Variants in CATSPERE observed in about 807,000 individuals in gnomAD.
The protein encoded by CATSPERE is cation channel sperm-associated auxiliary subunit epsilon.
A neutral mutation model predicts 114.1 loss-of-function variants in CATSPERE; 93 were observed. The observed-to-expected ratio is 0.81, with a 90% confidence interval of 0.69 to 0.97. The LOEUF (loss-of-function observed/expected upper bound fraction) is 0.97, where lower values mean the gene tolerates loss of function less well. Ranked by LOEUF, CATSPERE falls within the 50% of genes least tolerant of loss-of-function variation. The pLI, the probability that CATSPERE is intolerant of heterozygous loss-of-function variation, is 0.00. For missense variants in CATSPERE, 1,058 were observed against 1,131.6 expected (o/e 0.93, Z 0.93); for synonymous variants, 341 against 384.1 (o/e 0.89, Z 1.31).
intron 14 of CATSPERE, 58 bp from the exon 15 acceptor site, chr1:244,591,623 G>C (rs542853096): frequency 9.6e-7 from 1 of 1,040,058 alleles, no homozygotes; most frequent in Non-Finnish European, 1.4e-6. Context: ...ATGATTAAAT[G>C]TTTTTGCAAA....
chr1:244,459,448 A>C (rs1572185386), upstream of CATSPERE, among the ~76,000 whole-genome samples: 2 of 152,356 alleles, frequency 1.3e-5, no homozygotes, highest in East Asian at 3.9e-4. Context: ...CAATGAAAAA[A>C]GCCTAAGTGA....
intron 7 of CATSPERE, among the ~76,000 whole-genome samples, chr1:244,518,375 G>A (rs551882455): frequency 2.0e-5 from 3 of 152,140 alleles, no homozygotes; most frequent in African/African-American, 7.2e-5. Flanking sequence ...AGTTTTTGAC[G>A]AGTTGGAAAC....
chr1:244,632,601 T>A (rs1230855958), intron 20 of CATSPERE, among the ~76,000 whole-genome samples: 8 of 150,790 alleles, frequency 5.3e-5, no homozygotes, highest in Non-Finnish European at 1.0e-4. Flanking sequence ...GCCAGAAAAA[T>A]GTGATAAATT....
chr1:244,633,370 T>G lies in CATSPERE; in HGVS notation c.2649-2119T>G, dbSNP rs1356360948. On this transcript the variant is annotated intron_variant, in intron 20 of 21. Transcript: ENST00000366534. The surrounding 1 kb of genome is among the most constrained non-coding windows in gnomAD (Gnocchi z 4.1). The stretch of plus-strand genomic sequence containing the variant: ...CAATTTCATTCTATCAAAGGTCAAC[T>G]TGGCCCTCTTTTCAGTCACAATTGC... Among the ~76,000 whole-genome samples, 2 of 152,220 alleles carry G rather than the reference T, an allele frequency of 1.3e-5. No homozygotes were observed. The highest frequency in any genetic ancestry group is 4.8e-5 in the African/African-American group (2 of 41,466).
At position 244,545,971 on chromosome 1, in the gene CATSPERE, T is replaced by C. The variant is rs566664472; in HGVS notation, c.537-6351T>C. Among the ~76,000 whole-genome samples the C allele has an allele frequency of 1.4e-4, 21 of 152,360 alleles. No individual in the cohort carries two copies. In the South Asian group the frequency reaches 4.1e-3, roughly 30 times the overall value. ...AGAAGATTTGGGCCTGGTTTACAGA[T>C]GGCTTTGCATGCTATGCAGCAGCAC... On this transcript the variant is annotated intron_variant, in intron 8 of 21. Coordinates refer to ENST00000366534, the MANE Select transcript of CATSPERE (RefSeq NM_001130957.2).
At chr1:244,625,426 A>ATTTTTT (rs1326525192) in intron 20 of CATSPERE, among the ~76,000 whole-genome samples, 2 of 3,940 alleles carry the variant, frequency 5.1e-4, no homozygotes, top group East Asian at 0.031. Flanking sequence ...ATATATATAT[A>ATTTTTT]TATATATTTT....
At chr1:244,522,813 T>C (rs1277867761) in intron 8 of CATSPERE, among the ~76,000 whole-genome samples, 13 of 152,010 alleles carry the variant, frequency 8.6e-5, no homozygotes, top group East Asian at 3.9e-4. Context: ...AATAGACCAA[T>C]AACAGGAGCT....
intron 2 of CATSPERE, among the ~76,000 whole-genome samples, chr1:244,469,153 A>G (rs1038382854): frequency 6.6e-6 from 1 of 152,196 alleles, no homozygotes; most frequent in Non-Finnish European, 1.5e-5. Context: ...GTTTATATGT[A>G]AGCTTGGTAA....
At chr1:244,451,838 A>T, upstream of CATSPERE, 4 of 1,551,382 alleles carry the variant, frequency 2.6e-6, no homozygotes, top group Non-Finnish European at 3.5e-6. This position sits in a 1 kb window ranked among gnomAD's most constrained non-coding sequence, Gnocchi z 6.6. Flanking sequence ...ACGCGAGGAG[A>T]GCCCGAAGGA....
At chr1:244,452,973 C>T (rs1665755585), upstream of CATSPERE, among the ~76,000 whole-genome samples, 1 of 152,180 alleles carries the variant, frequency 6.6e-6, no homozygotes, top group Admixed American at 6.5e-5. Context: ...TCTCCCAAAT[C>T]GCCTGTACAT....
In CATSPERE at chr1:244,466,391, G is replaced by A. The variant is rs1667610029; in HGVS notation, c.114+2435G>A. ...TGCTTCCCTGGTTCCCAAACACTAA[G>A]TAGCAGTGACAATCCTCAGGGATTG... On this transcript the variant is annotated intron_variant, in intron 2 of 21. Transcript: ENST00000366534. Among the ~76,000 whole-genome samples, 3 of 152,070 alleles carry A rather than the reference G, an allele frequency of 2.0e-5. No individual in the cohort carries two copies. In the South Asian group the frequency reaches 6.2e-4, roughly 32 times the overall value.
intron 7 of CATSPERE, among the ~76,000 whole-genome samples, chr1:244,516,954 A>G (rs963013309): frequency 6.6e-6 from 1 of 152,092 alleles, no homozygotes; most frequent in Admixed American, 6.5e-5. Flanking sequence ...ATATTTACCA[A>G]TAGTGAAAAA....
chr1:244,522,423 A>G (rs1188454036), intron 8 of CATSPERE, among the ~76,000 whole-genome samples: 1 of 152,204 alleles, frequency 6.6e-6, no homozygotes, highest in African/African-American at 2.4e-5. Flanking sequence ...CAATTAAAAG[A>G]ACTAGAAAAG....
chr1:244,509,067 T>G (rs1248785691), intron 7 of CATSPERE, among the ~76,000 whole-genome samples: 2 of 152,016 alleles, frequency 1.3e-5, no homozygotes, highest in Non-Finnish European at 2.9e-5. Flanking sequence ...TTTTTTTCTT[T>G]TGTCTATTGC....
chr1:244,603,153 C>T (rs2148671589), intron 17 of CATSPERE, among the ~76,000 whole-genome samples: 1 of 152,182 alleles, frequency 6.6e-6, no homozygotes, highest in South Asian at 2.1e-4. Context: ...ATAAAGAACC[C>T]CCTTTCATAG....
At chr1:244,505,253 A>G (rs557440506) in intron 7 of CATSPERE, among the ~76,000 whole-genome samples, 48 of 152,274 alleles carry the variant, frequency 3.2e-4, no homozygotes, top group African/African-American at 1.0e-3. Flanking sequence ...CACGTGCACC[A>G]TCTTACATTC....
At chr1:244,621,298 A>T (rs71537358) in intron 20 of CATSPERE, among the ~76,000 whole-genome samples, 4 of 92,710 alleles carry the variant, frequency 4.3e-5, no homozygotes, top group Admixed American at 1.2e-4. Flanking sequence ...TATCTATATA[A>T]ATATATAAAT....
intron 9 of CATSPERE, among the ~76,000 whole-genome samples, chr1:244,557,808 CTG>C (rs1331643485): frequency 6.6e-6 from 1 of 151,416 alleles, no homozygotes; most frequent in Non-Finnish European, 1.5e-5. Context: ...CCAAAAACAC[CTG>C]TATGAGACCA....
chr1:244,543,195 C>T (rs1356184137), intron 8 of CATSPERE, among the ~76,000 whole-genome samples: 1 of 152,102 alleles, frequency 6.6e-6, no homozygotes, highest in Non-Finnish European at 1.5e-5. Context: ...CCCGTGTTCA[C>T]TGATTCACAA....
Sources: allele counts gnomAD v4.1 joint callset (sites outside exome capture counted in the v4.1 genomes callset), GRCh38; gene constraint gnomAD v4.1.1; non-coding constraint Gnocchi (gnomAD v3.1); transcripts MANE v1.5; gene names NCBI Gene and HGNC (gene_info 2026-07-23, HGNC 2026-07-21).